Variants in MALRD1 observed in about 807,000 individuals in gnomAD.
MALRD1 encodes MAM and LDL receptor class A domain containing 1.
MALRD1 carries 247 observed loss-of-function variants against 242.1 expected under a neutral mutation model. That is an observed-to-expected ratio of 1.02 (90% confidence interval 0.92 to 1.13). The LOEUF is 1.13. Among genes scored for constraint, MALRD1 ranks in the 50% most tolerant of loss-of-function variants. The pLI is 0.00. For synonymous variants in MALRD1, 995 were observed against 866.6 expected, an observed-to-expected ratio of 1.15 and a Z score of -2.60; for missense variants, 2,989 against 2,533.1, an observed-to-expected ratio of 1.18 and a Z score of -3.86.
intron 1 of MALRD1, among the ~76,000 whole-genome samples, chr10:19,051,244 T>A (rs1217846516): frequency 6.6e-6 from 1 of 152,056 alleles, no homozygotes; most frequent in East Asian, 1.9e-4. Context: ...AACTTATAGA[T>A]TAGATTTTTT....
chr10:19,348,598 G>A (rs1019520908), intron 25 of MALRD1, among the ~76,000 whole-genome samples: 1 of 152,070 alleles, frequency 6.6e-6, no homozygotes, highest in African/African-American at 2.4e-5. Flanking sequence ...AACATCTATG[G>A]AGATTTAAAA....
intron 2 of MALRD1, among the ~76,000 whole-genome samples, chr10:19,081,063 G>C (rs1268573474): frequency 6.6e-6 from 1 of 152,058 alleles, no homozygotes; most frequent in Non-Finnish European, 1.5e-5. Flanking sequence ...ACCACAATGA[G>C]ATTACCATCT....
At chr10:19,402,454 A>T (rs1846903777) in intron 28 of MALRD1, among the ~76,000 whole-genome samples, 2 of 152,090 alleles carry the variant, frequency 1.3e-5, no homozygotes, top group South Asian at 4.1e-4. Context: ...ATCGGAGCAC[A>T]AGCTCTCCTG....
At chr10:19,681,945 T>C (rs1437496369) in intron 36 of MALRD1, among the ~76,000 whole-genome samples, 1 of 150,876 alleles carries the variant, frequency 6.6e-6, no homozygotes, top group Non-Finnish European at 1.5e-5. Context: ...TACCTCTGTC[T>C]CCCCACATTA....
intron 33 of MALRD1, among the ~76,000 whole-genome samples, chr10:19,585,553 C>T (rs1837347903): frequency 1.3e-5 from 2 of 151,872 alleles, no homozygotes; most frequent in Admixed American, 6.6e-5. Flanking sequence ...GAATATTGGC[C>T]CCCACTCTCT....
intron 36 of MALRD1, among the ~76,000 whole-genome samples, chr10:19,618,592 G>C (rs1382275659): frequency 6.6e-6 from 1 of 151,758 alleles, no homozygotes; most frequent in Non-Finnish European, 1.5e-5. Context: ...AGTGATGTTG[G>C]GCTTTTTTTC....
At chr10:19,128,502 T>A (rs925111959) in intron 8 of MALRD1, 115 bp downstream of exon 8, 4 of 604,432 alleles carry the variant, frequency 6.6e-6, no homozygotes, top group African/African-American at 5.7e-5. Flanking sequence ...TTAACTTGAC[T>A]TTACTTGGTA....
chr10:19,404,277 T>C (rs1160748834), intron 28 of MALRD1, among the ~76,000 whole-genome samples: 2 of 152,054 alleles, frequency 1.3e-5, no homozygotes, highest in African/African-American at 4.8e-5. Context: ...ACTTTATCCA[T>C]GTAGTAATAA....
rs12256835 is a variant in MALRD1 at position 19,498,489 on chromosome 10, T to G, written c.5163T>G (p.His1721Gln). 320,189 of 1,548,422 alleles carry G rather than the reference T, an allele frequency of 0.21. 39,172 individuals carry two copies. The highest frequency in any genetic ancestry group is 0.57 in the African/African-American group (41,909 of 72,976). ...SDRSDEAHCA[H>Q]YTSTTGSCNF... Reference sequence around the variant, plus strand: ...TTAATGTTTTTGCTTCCCCAGCACATTATACAAGCACAACAGGAAGCTGCA... The same window carrying G: ...TTAATGTTTTTGCTTCCCCAGCACAGTATACAAGCACAACAGGAAGCTGCA... Residue 1721 changes from histidine to glutamine, a missense_variant, in exon 31 of 40, where the codon CAT (histidine) becomes CAG (glutamine). By Grantham distance (24) the His-to-Gln change is conservative. Coordinates refer to ENST00000454679, the MANE Select transcript of MALRD1 (RefSeq NM_001142308.3).
At chr10:19,134,017 C>T (rs1833224118) in intron 9 of MALRD1, 69 bp downstream of exon 9, 3 of 678,526 alleles carry the variant, frequency 4.4e-6, no homozygotes, top group African/African-American at 1.9e-5. Context: ...AATAAATTGA[C>T]CATGCACTGC....
intron 28 of MALRD1, among the ~76,000 whole-genome samples, chr10:19,394,220 T>A (rs1200521943): frequency 6.6e-6 from 1 of 152,172 alleles, no homozygotes; most frequent in Non-Finnish European, 1.5e-5. Context: ...TGCTTAGTGG[T>A]TCAGATAACT....
In MALRD1 at chr10:19,340,282, T is replaced by C. The variant is rs998331692; in HGVS notation, c.3902-7489T>C. ...CCCATGTGTTACAATCTATTTACAC[T>C]CTTTTAGTTATTTTAAAATGTAAAA... is the stretch of plus-strand genomic sequence containing the variant. On this transcript the variant is annotated intron_variant, in intron 24 of 39. Transcript: ENST00000454679. 2.0e-5 allele frequency among the ~76,000 whole-genome samples: 3 copies of C among 152,144 alleles called. No homozygotes were observed. In the East Asian group the frequency reaches 5.8e-4, roughly 29 times the overall value.
intron 28 of MALRD1, among the ~76,000 whole-genome samples, chr10:19,396,732 C>A (rs1338617706): frequency 6.6e-6 from 1 of 152,118 alleles, no homozygotes; most frequent in African/African-American, 2.4e-5. Flanking sequence ...TCATAAAAAT[C>A]AGAAATTTCC....
chr10:19,229,720 T>C (rs190163597), intron 18 of MALRD1, among the ~76,000 whole-genome samples: 2 of 152,210 alleles, frequency 1.3e-5, no homozygotes, highest in Non-Finnish European at 2.9e-5. Flanking sequence ...GCACCTTTTG[T>C]CTGTGGTCAC....
intron 29 of MALRD1, among the ~76,000 whole-genome samples, chr10:19,451,370 A>C (rs1310041528): frequency 1.3e-5 from 2 of 152,200 alleles, no homozygotes; most frequent in Non-Finnish European, 2.9e-5. Flanking sequence ...AAGTACCGCC[A>C]TTTATCATGT....
chr10:19,338,081 A>T (rs10400092), intron 24 of MALRD1, among the ~76,000 whole-genome samples: 87,101 of 150,376 alleles, frequency 0.58, 25,419 homozygotes, highest in Middle Eastern at 0.61. Flanking sequence ...AAAAAGAAAG[A>T]AAGTACATAT....
At chr10:19,732,786 C>T (rs749626030) in intron 39 of MALRD1, among the ~76,000 whole-genome samples, 1 of 151,828 alleles carries the variant, frequency 6.6e-6, no homozygotes, top group Non-Finnish European at 1.5e-5. Flanking sequence ...TCAGCAAGTA[C>T]AGGAAGGGGC....
At chr10:19,246,584 G>C (rs369715360) in intron 18 of MALRD1, among the ~76,000 whole-genome samples, 1 of 152,056 alleles carries the variant, frequency 6.6e-6, no homozygotes, top group African/African-American at 2.4e-5. Context: ...TAGGAGCCTG[G>C]GGCAGTGGCT....
At chr10:19,330,493 A>G (rs1437203117) in intron 23 of MALRD1, among the ~76,000 whole-genome samples, 1 of 152,120 alleles carries the variant, frequency 6.6e-6, no homozygotes, top group East Asian at 1.9e-4. Flanking sequence ...AATTGTTCTA[A>G]ATTTATTTTG....
Sources: allele counts gnomAD v4.1 joint callset (sites outside exome capture counted in the v4.1 genomes callset), GRCh38; gene constraint gnomAD v4.1.1; transcripts MANE v1.5; gene names NCBI Gene and HGNC (gene_info 2026-07-23, HGNC 2026-07-21).